The following TFEC variants were observed in gnomAD, a reference collection of about 807,000 sequenced individuals.
TFEC encodes transcription factor EC, also known as class E basic helix-loop-helix protein 34.
Under a neutral mutation model 41.6 loss-of-function variants are expected in TFEC, and 31 were observed. The ratio of observed to expected loss-of-function variants is 0.74; its 90% CI spans 0.56 to 1.01. The LOEUF (loss-of-function observed/expected upper bound fraction) is 1.01, where lower values mean the gene tolerates loss of function less well. Among genes scored for constraint, TFEC ranks in the 50% least tolerant of loss-of-function variants. The pLI, the probability that TFEC is intolerant of heterozygous loss-of-function variation, is 0.00. For missense variants in TFEC, 402 were observed against 404.1 expected (o/e 0.99, Z 0.04); for synonymous variants, 143 against 140.6 (o/e 1.02, Z -0.12).
At chr7:116,005,472 C>T (rs1794752950) in intron 1 of TFEC, among the ~76,000 whole-genome samples, 1 of 152,130 alleles carries the variant, frequency 6.6e-6, no homozygotes, top group Admixed American at 6.6e-5. Context: ...CAGCATTTTG[C>T]CCCTGCTGTA....
exon 3 of TFEC, chr7:116,110,799 A>T (rs1255332503): frequency 7.8e-6 from 12 of 1,548,250 alleles, no homozygotes; most frequent in Non-Finnish European, 1.0e-5. Context: ...CTGCATGTGG[A>T]ACTCTGTTCT....
intron 1 of TFEC, among the ~76,000 whole-genome samples, chr7:116,017,091 C>T (rs760224959): frequency 6.6e-6 from 1 of 152,164 alleles, no homozygotes; most frequent in Non-Finnish European, 1.5e-5. Context: ...ACTGTGAATC[C>T]TTCATTACTA....
chr7:116,034,536 C>T (rs1795863538), upstream of TFEC, among the ~76,000 whole-genome samples: 1 of 152,066 alleles, frequency 6.6e-6, no homozygotes, highest in Non-Finnish European at 1.5e-5. Flanking sequence ...CACCTTCAAA[C>T]CCACCTGGAA....
At chr7:115,960,256 A>G (rs964512778) in intron 3 of TFEC, among the ~76,000 whole-genome samples, 2 of 151,640 alleles carry the variant, frequency 1.3e-5, no homozygotes, top group African/African-American at 4.8e-5. Context: ...AAACATTGAA[A>G]GAAAATAAAA....
chr7:116,106,997 T>C (rs1488865456), intron 3 of TFEC, among the ~76,000 whole-genome samples: 1 of 152,186 alleles, frequency 6.6e-6, no homozygotes, highest in African/African-American at 2.4e-5. Flanking sequence ...GAGACTATAT[T>C]TGGGTCAAAC....
intron 3 of TFEC, among the ~76,000 whole-genome samples, chr7:116,093,734 C>T (rs978150098): frequency 2.0e-4 from 30 of 152,000 alleles, no homozygotes; most frequent in African/African-American, 6.3e-4. Context: ...TCCAAAGTTC[C>T]GATAGGGAAA....
chr7:116,030,800 G>C (rs191073789), upstream of TFEC: 1 of 985,300 alleles, frequency 1.0e-6, no homozygotes, highest in Admixed American at 6.2e-5. Context: ...GTTGAGGAAA[G>C]AGAAAAGAGA....
intron 3 of TFEC, among the ~76,000 whole-genome samples, chr7:116,089,747 T>C (rs185545268): frequency 5.1e-4 from 78 of 152,226 alleles, no homozygotes; most frequent in Admixed American, 1.8e-3. Flanking sequence ...TCTGGAGAAA[T>C]ACTATTGAAA....
intron 2 of TFEC, among the ~76,000 whole-genome samples, chr7:115,981,270 T>C (rs1793617722): frequency 6.6e-6 from 1 of 152,146 alleles, no homozygotes; most frequent in South Asian, 2.1e-4. Context: ...TTGCTGTTGA[T>C]GTATATGTCT....
At position 116,110,664 on chromosome 7, in the gene TFEC, T is replaced by TTAG. The variant is rs1797833173; in HGVS notation, c.198+43_198+44insCTA. 2.5e-6 allele frequency: 3 copies of TTAG among 1,219,166 alleles called. No homozygotes were observed. The East Asian group carries it at 9.3e-5, about 38-fold the overall frequency. The allele number at this position is 1,219,166 out of a possible 1,614,324, so 75.5% of individuals were successfully genotyped here. On this transcript the variant is annotated intron_variant, in intron 3 of 8. Coordinates refer to the TFEC transcript ENST00000484212. ...GACAGATTTTCAGAGGTAGTTACTA[T>TTAG]ACTTACTTAGAAATTACGGCTGTAT... is the stretch of plus-strand genomic sequence containing the variant.
At chr7:116,020,097 A>G (rs144973203) in intron 1 of TFEC, among the ~76,000 whole-genome samples, 2 of 152,288 alleles carry the variant, frequency 1.3e-5, no homozygotes, top group South Asian at 2.1e-4. Flanking sequence ...CTTATTCTCT[A>G]CATACTACAT....
intron 3 of TFEC, among the ~76,000 whole-genome samples, chr7:116,053,996 A>G (rs762884556): frequency 1.3e-5 from 2 of 152,242 alleles, no homozygotes; most frequent in African/African-American, 2.4e-5. Context: ...GCAATTTAAT[A>G]GTAAACTGAT....
chr7:115,944,972 C>T (rs951700455), intron 6 of TFEC, among the ~76,000 whole-genome samples: 2 of 149,816 alleles, frequency 1.3e-5, no homozygotes, highest in African/African-American at 2.5e-5. Context: ...TTCCATGACT[C>T]GTTAATAGAT....
chr7:116,084,088 G>C (rs1038107179), intron 3 of TFEC, among the ~76,000 whole-genome samples: 4 of 151,852 alleles, frequency 2.6e-5, no homozygotes, highest in Non-Finnish European at 4.4e-5. Flanking sequence ...TTAAAGTTCA[G>C]AGAGCTAATT....
chr7:116,029,789 G>C (rs1795726088), intron 1 of TFEC, among the ~76,000 whole-genome samples: 1 of 151,708 alleles, frequency 6.6e-6, no homozygotes, highest in Admixed American at 6.6e-5. Context: ...TATTACAATT[G>C]AAAACTATTA....
chr7:115,959,127 A>G (rs2130454652), intron 3 of TFEC, among the ~76,000 whole-genome samples: 1 of 151,980 alleles, frequency 6.6e-6, no homozygotes, highest in Admixed American at 6.6e-5. Context: ...GATATTTTTA[A>G]AAGGTTGCTT....
chr7:116,006,335 A>G (rs1009935139), intron 1 of TFEC, among the ~76,000 whole-genome samples: 1 of 152,204 alleles, frequency 6.6e-6, no homozygotes, highest in African/African-American at 2.4e-5. Context: ...CATTCTGCAA[A>G]GCAACAGGGG....
At chr7:116,132,773 A>G (rs1004367301) in intron 1 of TFEC, among the ~76,000 whole-genome samples, 3 of 152,232 alleles carry the variant, frequency 2.0e-5, no homozygotes, top group African/African-American at 7.2e-5. Context: ...CGTTAAAACA[A>G]CTTTTAAACA....
At chr7:116,002,950 T>C (rs954367625) in intron 1 of TFEC, among the ~76,000 whole-genome samples, 1 of 151,974 alleles carries the variant, frequency 6.6e-6, no homozygotes, top group Non-Finnish European at 1.5e-5. Flanking sequence ...TGAAATCATA[T>C]AAAATGCTCA....
Sources: gnomAD v4.1 joint callset for allele counts (sites outside exome capture counted in the v4.1 genomes callset) on GRCh38, gnomAD v4.1.1 for gene constraint, MANE v1.5 for transcripts, NCBI Gene and HGNC (gene_info 2026-07-23, HGNC 2026-07-21) for gene names.